TRDN: variants seen among roughly 807,000 people sequenced by gnomAD.
TRDN encodes the protein triadin.
TRDN carries 161 observed loss-of-function variants against 149.7 expected under a neutral mutation model. The observed-to-expected ratio is 1.08, with a 90% confidence interval of 0.95 to 1.23. The LOEUF (loss-of-function observed/expected upper bound fraction) is 1.23. TRDN is among the 50% of genes most tolerant of loss of function. TRDN has a pLI of 0.00. For synonymous variants in TRDN, 294 were observed against 250.5 expected, an observed-to-expected ratio of 1.17 and a Z score of -1.64; for missense variants, 896 against 823.5, an observed-to-expected ratio of 1.09 and a Z score of -1.08.
At chr6:123,382,004 T>C in intron 15 of TRDN, 114 bp downstream of exon 15, 1 of 728,242 alleles carries the variant, frequency 1.4e-6, no homozygotes, top group Non-Finnish European at 2.0e-6. Flanking sequence ...TCAATCATTT[T>C]TTCTTCTCCT....
At chr6:123,592,769 C>T (rs1297153769) in intron 1 of TRDN, among the ~76,000 whole-genome samples, 5 of 152,106 alleles carry the variant, frequency 3.3e-5, no homozygotes, top group Admixed American at 6.5e-5. Context: ...CTTTAGAGCT[C>T]ATGTTTTTGG....
chr6:123,250,876 C>G (rs1776348060), intron 38 of TRDN, among the ~76,000 whole-genome samples: 1 of 152,104 alleles, frequency 6.6e-6, no homozygotes. Flanking sequence ...CTGACAGTTT[C>G]ACCCGAAATG....
At chr6:123,295,540 A>G (rs1397004177) in intron 24 of TRDN, among the ~76,000 whole-genome samples, 1 of 152,184 alleles carries the variant, frequency 6.6e-6, no homozygotes, top group Non-Finnish European at 1.5e-5. Context: ...AAAAGAAAAT[A>G]TTTTTTATAT....
intron 21 of TRDN, among the ~76,000 whole-genome samples, chr6:123,348,749 A>G (rs76770585): frequency 6.6e-6 from 1 of 152,226 alleles, no homozygotes; most frequent in South Asian, 2.1e-4. Flanking sequence ...TCGATAAAAA[A>G]TGAAATTAGC....
chr6:123,538,416 A>G lies in TRDN; in HGVS notation c.425-7851T>C, dbSNP rs541246237. On this transcript the variant is annotated intron_variant, in intron 4 of 40. Coordinates refer to ENST00000334268, the MANE Select transcript of TRDN (RefSeq NM_006073.4). ...TTAATATTTTAGATAAATATTCCAGATTATCCGTAAATATCTGTATATTCT... is the reference window on the plus strand; with the variant it reads ...TTAATATTTTAGATAAATATTCCAGGTTATCCGTAAATATCTGTATATTCT... Among the ~76,000 whole-genome samples the G allele has an allele frequency of 4.6e-5, 7 of 152,250 alleles. No homozygotes were observed. In the South Asian group the frequency reaches 1.5e-3, roughly 32 times the overall value.
At chr6:123,393,517 T>A (rs1277409125) in intron 13 of TRDN, 107 bp downstream of exon 13, 94 of 954,532 alleles carry the variant, frequency 9.8e-5, no homozygotes, top group South Asian at 3.5e-4. Flanking sequence ...TTTTGCAATA[T>A]CCCAGCAGAT....
At chr6:123,480,263 A>G (rs1162961478) in intron 9 of TRDN, among the ~76,000 whole-genome samples, 2 of 151,762 alleles carry the variant, frequency 1.3e-5, no homozygotes, top group African/African-American at 2.4e-5. Context: ...AAAAAAAAAA[A>G]AAGAATGACT....
chr6:123,471,437 A>C (rs1213735704), intron 9 of TRDN: 1 of 152,222 alleles, frequency 6.6e-6, no homozygotes, highest in East Asian at 1.9e-4. Flanking sequence ...TCCCAATAAT[A>C]CATCTTATTG....
chr6:123,262,143 G>A lies in TRDN; in HGVS notation c.1805-1505C>T, dbSNP rs59647289. ...TGTTTAAGATGTCCAGGAAAGCCCC[G>A]TGATTTTGAATTACAAAATAAAATG... is the stretch of plus-strand genomic sequence containing the variant. On this transcript the variant is annotated intron_variant, in intron 33 of 40. Coordinates refer to ENST00000334268, the MANE Select transcript of TRDN (RefSeq NM_006073.4). Among the ~76,000 whole-genome samples the A allele has an allele frequency of 8.3e-3, 1,263 of 151,884 alleles. 27 individuals carry two copies. Among genetic ancestry groups the A allele is most frequent in the East Asian group, 0.08 (411 of 5,166 alleles).
At chr6:123,222,068 T>C (rs998216400) in intron 39 of TRDN, among the ~76,000 whole-genome samples, 2 of 151,724 alleles carry the variant, frequency 1.3e-5, no homozygotes, top group African/African-American at 4.8e-5. Context: ...ATTTATGTAG[T>C]GTTGCATAGC....
At chr6:123,317,204 T>C (rs111359606) in intron 23 of TRDN, among the ~76,000 whole-genome samples, 6 of 151,924 alleles carry the variant, frequency 3.9e-5, no homozygotes, top group African/African-American at 1.2e-4. Flanking sequence ...ATGTTTCCAG[T>C]CTATCCTTTT....
intron 24 of TRDN, among the ~76,000 whole-genome samples, chr6:123,292,668 AC>A (rs922679302): frequency 3.3e-5 from 5 of 151,954 alleles, no homozygotes; most frequent in African/African-American, 1.2e-4. Flanking sequence ...GTCATTGAGT[AC>A]CCCCTCTGCT....
chr6:123,253,054 T>C (rs1776429395), intron 37 of TRDN, among the ~76,000 whole-genome samples: 1 of 152,076 alleles, frequency 6.6e-6, no homozygotes, highest in African/African-American at 2.4e-5. Flanking sequence ...CTTTCAAAGA[T>C]AGATAAAATA....
intron 20 of TRDN, among the ~76,000 whole-genome samples, chr6:123,356,122 A>T (rs1330538431): frequency 2.6e-5 from 4 of 151,362 alleles, no homozygotes; most frequent in Non-Finnish European, 5.9e-5. Flanking sequence ...TCTTTTTCTC[A>T]TTTTACTGCA....
chr6:123,412,764 T>G (rs1013678293), intron 12 of TRDN, among the ~76,000 whole-genome samples: 1 of 152,070 alleles, frequency 6.6e-6, no homozygotes, highest in East Asian at 1.9e-4. Flanking sequence ...GTTTAAAAAT[T>G]AACTAAAACA....
At chr6:123,442,070 A>C (rs145231310) in intron 10 of TRDN, 2 of 152,340 alleles carry the variant, frequency 1.3e-5, no homozygotes, top group East Asian at 3.9e-4. Context: ...GCTGAAGATA[A>C]GTTCAATTAC....
chr6:123,500,639 C>G (rs1469559882), intron 8 of TRDN, among the ~76,000 whole-genome samples: 1 of 152,106 alleles, frequency 6.6e-6, no homozygotes, highest in African/African-American at 2.4e-5. Context: ...ATAACACATG[C>G]TGTCCATTTC....
intron 24 of TRDN, among the ~76,000 whole-genome samples, chr6:123,296,322 C>T (rs1397108557): frequency 2.0e-5 from 3 of 152,054 alleles, no homozygotes; most frequent in Non-Finnish European, 4.4e-5. Flanking sequence ...AAGAACCATC[C>T]GACAGGCATT....
intron 12 of TRDN, among the ~76,000 whole-genome samples, chr6:123,407,115 C>A (rs1250931342): frequency 6.6e-6 from 1 of 151,988 alleles, no homozygotes; most frequent in Non-Finnish European, 1.5e-5. Context: ...AAAAAAGACA[C>A]CATTGTTTTA....
Sources: allele counts gnomAD v4.1 joint callset (sites outside exome capture counted in the v4.1 genomes callset), GRCh38; gene constraint gnomAD v4.1.1; transcripts MANE v1.5; gene names NCBI Gene and HGNC (gene_info 2026-07-23, HGNC 2026-07-21).